The following LEKR1 variants were observed in gnomAD, a reference collection of about 807,000 sequenced individuals.
The protein encoded by LEKR1 is protein LEKR1.
LEKR1 carries 59 observed loss-of-function variants against 72.4 expected under a neutral mutation model. The ratio of observed to expected loss-of-function variants is 0.82; its 90% CI spans 0.66 to 1.01. The LOEUF is 1.01. Among genes scored for constraint, LEKR1 ranks in the 50% least tolerant of loss-of-function variants. LEKR1 has a pLI of 0.00. For missense variants in LEKR1, 728 were observed against 759.2 expected (o/e 0.96, Z 0.48); for synonymous variants, 257 against 263.2 (o/e 0.98, Z 0.23).
chr3:156,943,151 G>A (rs908920081), intron 6 of LEKR1, among the ~76,000 whole-genome samples: 1 of 151,934 alleles, frequency 6.6e-6, no homozygotes, highest in Non-Finnish European at 1.5e-5. Context: ...TGTCTTGACA[G>A]TAAATGTAAA....
chr3:156,861,541 A>G (rs931310893), intron 3 of LEKR1, among the ~76,000 whole-genome samples: 1 of 152,066 alleles, frequency 6.6e-6, no homozygotes, highest in Non-Finnish European at 1.5e-5. Flanking sequence ...GGGGTGTGGT[A>G]AGAATTCCTA....
chr3:157,015,910 G>A (rs538316006), intron 10 of LEKR1, among the ~76,000 whole-genome samples: 48 of 152,230 alleles, frequency 3.2e-4, no homozygotes, highest in Admixed American at 2.4e-3. Flanking sequence ...ATGAAAATTA[G>A]ATTATCTGAT....
chr3:156,941,466 T>C (rs1726195960), intron 5 of LEKR1, among the ~76,000 whole-genome samples: 1 of 152,114 alleles, frequency 6.6e-6, no homozygotes, highest in Admixed American at 6.6e-5. Flanking sequence ...AAATTACCTC[T>C]ACTGCATGTC....
intron 3 of LEKR1, among the ~76,000 whole-genome samples, chr3:156,857,060 A>G (rs1012714702): frequency 5.9e-5 from 9 of 152,112 alleles, no homozygotes; most frequent in African/African-American, 2.2e-4. Context: ...TCTTAAAGAT[A>G]CCTTTTATCA....
chr3:157,018,905 A>G (rs1474707391), intron 10 of LEKR1, among the ~76,000 whole-genome samples: 1 of 152,208 alleles, frequency 6.6e-6, no homozygotes, highest in Admixed American at 6.5e-5. Context: ...CTAAGTTCAC[A>G]TAGTTCTTGA....
intron 3 of LEKR1, among the ~76,000 whole-genome samples, chr3:156,864,906 T>C (rs527981060): frequency 3.3e-5 from 5 of 152,158 alleles, no homozygotes; most frequent in African/African-American, 1.2e-4. Context: ...TCCACAGCTC[T>C]CTTCCATTTT....
At position 157,010,543 on chromosome 3, in the gene LEKR1, T is replaced by A. The variant is rs182886306; in HGVS notation, c.1110-870T>A. Among the ~76,000 whole-genome samples the A allele has an allele frequency of 4.6e-5, 7 of 152,068 alleles. No homozygotes were observed. The East Asian group carries it at 1.4e-3, about 29-fold the overall frequency. ...AAAGTCACAGGTTTTTGCAGAAGGGTCAGAGCTAAAAGGAAGAGAGTGATG... is the reference window on the plus strand; with the variant it reads ...AAAGTCACAGGTTTTTGCAGAAGGGACAGAGCTAAAAGGAAGAGAGTGATG... On this transcript the variant is annotated intron_variant, in intron 9 of 12. Transcript: ENST00000356539.
intron 2 of LEKR1, among the ~76,000 whole-genome samples, chr3:156,837,430 T>C (rs1477807559): frequency 6.6e-6 from 1 of 152,200 alleles, no homozygotes; most frequent in African/African-American, 2.4e-5. Context: ...TACCTCCACA[T>C]GGTCAACAGA....
At chr3:156,909,098 G>A (rs545720486) in intron 3 of LEKR1, among the ~76,000 whole-genome samples, 180 of 152,192 alleles carry the variant, frequency 1.2e-3, no homozygotes, top group Non-Finnish European at 2.2e-3. Context: ...TCATTCTCTC[G>A]TTGCCGGCCA....
chr3:157,029,287 C>T (rs1734428268), intron 12 of LEKR1, among the ~76,000 whole-genome samples: 1 of 151,770 alleles, frequency 6.6e-6, no homozygotes, highest in Non-Finnish European at 1.5e-5. Context: ...GAACCTATTA[C>T]AAAGAAGTTA....
At chr3:156,991,621 A>G (rs1008574158) in intron 7 of LEKR1, among the ~76,000 whole-genome samples, 1 of 152,192 alleles carries the variant, frequency 6.6e-6, no homozygotes, top group Non-Finnish European at 1.5e-5. Flanking sequence ...AAACCCAATC[A>G]TATAAGATCA....
At chr3:156,971,554 A>G (rs1397206485) in intron 6 of LEKR1, among the ~76,000 whole-genome samples, 3 of 152,192 alleles carry the variant, frequency 2.0e-5, no homozygotes, top group Non-Finnish European at 4.4e-5. Flanking sequence ...TGAACAGGCA[A>G]CCTACAAAAT....
intron 3 of LEKR1, among the ~76,000 whole-genome samples, chr3:156,909,655 CAA>C (rs10662704): frequency 3.9e-5 from 4 of 101,874 alleles, no homozygotes; most frequent in Admixed American, 1.8e-4. Flanking sequence ...GAGTCTGTCT[CAA>C]AAAAAAAAAA....
intron 6 of LEKR1, among the ~76,000 whole-genome samples, chr3:156,961,699 A>G (rs1391835036): frequency 6.6e-6 from 1 of 152,216 alleles, no homozygotes. Flanking sequence ...GCTGGGATCC[A>G]AACAGTTCTG....
At chr3:156,839,452 T>G (rs551421769) in intron 2 of LEKR1, among the ~76,000 whole-genome samples, 17 of 152,322 alleles carry the variant, frequency 1.1e-4, no homozygotes, top group Admixed American at 3.9e-4. Context: ...AGAAATTCCT[T>G]CTAGAGAAAA....
intron 7 of LEKR1, among the ~76,000 whole-genome samples, chr3:156,984,161 C>G (rs1026660011): frequency 6.6e-6 from 1 of 152,126 alleles, no homozygotes; most frequent in Non-Finnish European, 1.5e-5. Context: ...AATGCACATA[C>G]ACATGCATAT....
At chr3:157,031,309 T>C (rs980455904) in intron 12 of LEKR1, among the ~76,000 whole-genome samples, 1 of 152,124 alleles carries the variant, frequency 6.6e-6, no homozygotes, top group Non-Finnish European at 1.5e-5. Flanking sequence ...GGTTGGTATA[T>C]AAATGATCAC....
intron 12 of LEKR1, among the ~76,000 whole-genome samples, chr3:157,037,144 T>C (rs1311412090): frequency 2.0e-5 from 3 of 152,148 alleles, no homozygotes; most frequent in Non-Finnish European, 4.4e-5. Flanking sequence ...ATGCAGTCAA[T>C]AGATATGTTC....
intron 3 of LEKR1, among the ~76,000 whole-genome samples, chr3:156,862,606 T>A (rs1716894362): frequency 6.6e-6 from 1 of 152,126 alleles, no homozygotes; most frequent in Admixed American, 6.6e-5. Flanking sequence ...CCTTTTTCTA[T>A]GTTTGTTAAC....
Sources: allele counts gnomAD v4.1 joint callset (sites outside exome capture counted in the v4.1 genomes callset), GRCh38; gene constraint gnomAD v4.1.1; transcripts MANE v1.5; gene names NCBI Gene and HGNC (gene_info 2026-07-23, HGNC 2026-07-21).